Variants in RELN observed in about 807,000 individuals in gnomAD.
The protein encoded by RELN is reelin.
Under a neutral mutation model 427.6 loss-of-function variants are expected in RELN, and 108 were observed. The ratio of observed to expected loss-of-function variants is 0.25; its 90% CI spans 0.22 to 0.30. RELN has a LOEUF of 0.30. Ranked by LOEUF, RELN falls within the 10% of genes least tolerant of loss-of-function variation. RELN has a pLI of 1.00. For missense variants in RELN, 3,715 were observed against 4,302.8 expected (o/e 0.86, Z 3.82); for synonymous variants, 1,524 against 1,513.4 (o/e 1.01, Z -0.16).
In RELN at chr7:103,569,117, T is replaced by C. The variant is rs1038535110; in HGVS notation, c.4589-2358A>G. Among the ~76,000 whole-genome samples the C allele has an allele frequency of 2.0e-5, 3 of 152,226 alleles. No individual in the cohort carries two copies. Among genetic ancestry groups the C allele is most frequent in the Non-Finnish European group, 4.4e-5 (3 of 68,044 alleles). On this transcript the variant is annotated intron_variant, in intron 31 of 64. Coordinates refer to ENST00000428762, the MANE Select transcript of RELN (RefSeq NM_005045.4). This position sits in a 1 kb window ranked among gnomAD's most constrained non-coding sequence, Gnocchi z 4.0. ...AACAGTCATAAAAGGCATTGTCGTT[T>C]ATTCCTTGCTCCCTCTCAGATCTCT...
Position 103,909,785 on chromosome 7 carries a change from AT to A in RELN, c.337+7289del, listed in dbSNP as rs1462590160. On this transcript the variant is annotated intron_variant, in intron 2 of 64. Transcript: ENST00000428762. Reference sequence around the variant, plus strand: ...ATATATATTTAATATATATAAATATATATATTAAATATATATTAATATATAA... The same window carrying A: ...ATATATATTTAATATATATAAATATAATATTAAATATATATTAATATATAA... 8.2e-3 allele frequency among the ~76,000 whole-genome samples: 796 copies of A among 96,550 alleles called. 76 individuals are homozygous for A. Among genetic ancestry groups the A allele is most frequent in the East Asian group, 0.058 (218 of 3,776 alleles). 63.3% of individuals were successfully genotyped at this position (96,550 alleles called of 152,430 possible). A position where few individuals can be genotyped will look rare whatever the true frequency, so the allele number is the denominator to read the frequency against.
chr7:103,544,590 T>C (rs949582002), intron 42 of RELN, among the ~76,000 whole-genome samples: 6 of 152,220 alleles, frequency 3.9e-5, no homozygotes, highest in Admixed American at 3.9e-4. Flanking sequence ...CTTTCTTTTA[T>C]GGAGGTGTTT....
At chr7:103,694,183 G>T (rs191091615) in intron 10 of RELN, among the ~76,000 whole-genome samples, 30 of 152,262 alleles carry the variant, frequency 2.0e-4, no homozygotes, top group African/African-American at 7.0e-4. Context: ...GCCAGAGAGT[G>T]ATGGGGGAGA....
intron 8 of RELN, among the ~76,000 whole-genome samples, chr7:103,703,924 A>C (rs1360523520): frequency 6.6e-6 from 1 of 152,200 alleles, no homozygotes; most frequent in Non-Finnish European, 1.5e-5. Flanking sequence ...TTTACCCACA[A>C]CAAGGGTAAA....
At chr7:103,733,068 A>G (rs1790395870) in intron 6 of RELN, among the ~76,000 whole-genome samples, 1 of 152,122 alleles carries the variant, frequency 6.6e-6, no homozygotes, top group Admixed American at 6.6e-5. Context: ...TTAAGACTCT[A>G]CAATGAACTC....
intron 27 of RELN, among the ~76,000 whole-genome samples, chr7:103,590,592 AT>A (rs1216204753): frequency 4.0e-4 from 49 of 123,616 alleles, no homozygotes; most frequent in African/African-American, 9.7e-4. Context: ...AAATAAATAA[AT>A]AAATAAATAT....
At chr7:103,760,501 C>T (rs1158494395) in intron 4 of RELN, among the ~76,000 whole-genome samples, 3 of 151,942 alleles carry the variant, frequency 2.0e-5, no homozygotes, top group Non-Finnish European at 4.4e-5. Flanking sequence ...TACACTTCAG[C>T]CAACTTGTTG....
chr7:103,485,802 G>GC (rs1828418504), intron 61 of RELN, among the ~76,000 whole-genome samples: 1 of 152,072 alleles, frequency 6.6e-6, no homozygotes, highest in African/African-American at 2.4e-5. Context: ...ACTTACATAA[G>GC]CTAAATATAG....
chr7:103,768,853 A>T (rs1791492289), intron 4 of RELN, among the ~76,000 whole-genome samples: 2 of 152,072 alleles, frequency 1.3e-5, no homozygotes, highest in African/African-American at 4.8e-5. Context: ...TTGAGAAGGG[A>T]TTTATTCTCC....
intron 8 of RELN, among the ~76,000 whole-genome samples, chr7:103,704,088 G>T (rs930942505): frequency 6.6e-6 from 1 of 152,154 alleles, no homozygotes; most frequent in South Asian, 2.1e-4. Flanking sequence ...AAGAAATGAT[G>T]TTTTTTGTGA....
At chr7:103,977,396 C>G (rs1378773203) in intron 1 of RELN, among the ~76,000 whole-genome samples, 2 of 151,292 alleles carry the variant, frequency 1.3e-5, no homozygotes, top group Non-Finnish European at 2.9e-5. Flanking sequence ...ATCTGGGCTT[C>G]CTGTACGAGG....
rs1401531637 is a variant in RELN at position 103,989,029 on chromosome 7, G to T, written c.226+102C>A. 38 of 1,060,790 alleles carry T rather than the reference G, an allele frequency of 3.6e-5. No individual in the cohort carries two copies. In the East Asian group the frequency reaches 8.8e-4, roughly 25 times the overall value. 65.7% of individuals were successfully genotyped at this position (1,060,790 alleles called of 1,614,324 possible). A position where few individuals can be genotyped will look rare whatever the true frequency, so the allele number is the denominator to read the frequency against. On this transcript the variant is annotated intron_variant, in intron 1 of 64. Coordinates refer to ENST00000428762, the MANE Select transcript of RELN (RefSeq NM_005045.4). The surrounding 1 kb of genome is among the most constrained non-coding windows in gnomAD (Gnocchi z 4.9). Reference sequence around the variant, plus strand: ...GCATCGCTGGGGCCAGGGTTGTCATGGTTCTTGTTTCCAAGGCCCCTTGGA... The same window carrying T: ...GCATCGCTGGGGCCAGGGTTGTCATTGTTCTTGTTTCCAAGGCCCCTTGGA...
intron 3 of RELN, among the ~76,000 whole-genome samples, chr7:103,813,290 A>G (rs1792789681): frequency 6.6e-6 from 1 of 152,168 alleles, no homozygotes; most frequent in Admixed American, 6.6e-5. Context: ...ACTGCATGGG[A>G]AATGAGAAAA....
At chr7:103,879,806 T>C (rs994008723) in intron 2 of RELN, among the ~76,000 whole-genome samples, 1 of 152,208 alleles carries the variant, frequency 6.6e-6, no homozygotes, top group Non-Finnish European at 1.5e-5. Context: ...CATATTTTAA[T>C]TTTTTAATAT....
At chr7:103,916,808 A>G (rs1795491533) in intron 2 of RELN, among the ~76,000 whole-genome samples, 1 of 152,168 alleles carries the variant, frequency 6.6e-6, no homozygotes, top group African/African-American at 2.4e-5. Context: ...GGAAATTTAC[A>G]TGAACCCCAG....
chr7:103,731,206 G>A (rs1441240354), intron 6 of RELN, among the ~76,000 whole-genome samples: 2 of 152,072 alleles, frequency 1.3e-5, no homozygotes, highest in East Asian at 1.9e-4. Context: ...AGATGGTCCC[G>A]GAACTGGTCC....
intron 2 of RELN, among the ~76,000 whole-genome samples, chr7:103,836,914 T>C (rs1205835452): frequency 6.6e-6 from 1 of 152,220 alleles, no homozygotes; most frequent in Non-Finnish European, 1.5e-5. Flanking sequence ...TCCACATTCC[T>C]CTAGCATCTA....
chr7:103,486,839 A>G (rs1467071894), intron 60 of RELN, among the ~76,000 whole-genome samples: 2 of 152,198 alleles, frequency 1.3e-5, no homozygotes, highest in African/African-American at 2.4e-5. Flanking sequence ...ATTGTAGAAG[A>G]CAGTGTGGTG....
chr7:103,646,715 T>C (rs1468938041), intron 16 of RELN, among the ~76,000 whole-genome samples: 1 of 151,936 alleles, frequency 6.6e-6, no homozygotes, highest in African/African-American at 2.4e-5. Flanking sequence ...CTTGTACCAA[T>C]CCTGCTAAAA....
Sources: allele counts gnomAD v4.1 joint callset (sites outside exome capture counted in the v4.1 genomes callset), GRCh38; gene constraint gnomAD v4.1.1; non-coding constraint Gnocchi (gnomAD v3.1); transcripts MANE v1.5; gene names NCBI Gene and HGNC (gene_info 2026-07-23, HGNC 2026-07-21).